MCM10: variants seen among roughly 807,000 people sequenced by gnomAD.
The protein encoded by MCM10 is protein MCM10 homolog.
MCM10 carries 91 observed loss-of-function variants against 109.9 expected under a neutral mutation model. The observed-to-expected ratio is 0.83, with a 90% confidence interval of 0.70 to 0.99. MCM10 has a LOEUF of 0.99. Among genes scored for constraint, MCM10 ranks in the 50% least tolerant of loss-of-function variants. The pLI is 0.00. For missense variants in MCM10, 1,077 were observed against 1,061.2 expected, an observed-to-expected ratio of 1.01 and a Z score of -0.21; for synonymous variants, 380 against 387.2, an observed-to-expected ratio of 0.98 and a Z score of 0.22.
intron 14 of MCM10, chr10:13,195,594 ATTTATTTATTTATTTATT>A (rs1834408266): frequency 1.7e-5 from 1 of 59,546 alleles, no homozygotes; most frequent in Admixed American, 2.1e-4. Flanking sequence ...TTATTTATTT[ATTTATTTATTTATTTATT>A]TATTTATTTA....
intron 5 of MCM10, among the ~76,000 whole-genome samples, chr10:13,173,375 T>C (rs1048506015): frequency 2.0e-5 from 3 of 152,196 alleles, no homozygotes; most frequent in Non-Finnish European, 4.4e-5. Context: ...TGGTCAAGTT[T>C]TATTTGAAGC....
At chr10:13,196,121 C>T (rs1376480584) in intron 14 of MCM10, among the ~76,000 whole-genome samples, 1 of 152,062 alleles carries the variant, frequency 6.6e-6, no homozygotes, top group Non-Finnish European at 1.5e-5. Flanking sequence ...GCTGCCCAAG[C>T]TGGTCTTGCA....
chr10:13,193,546 G>C (rs1834376847), intron 13 of MCM10, among the ~76,000 whole-genome samples: 2 of 152,150 alleles, frequency 1.3e-5, no homozygotes, highest in African/African-American at 4.8e-5. Context: ...GTGCTCTGGT[G>C]CTGAACCTTT....
At chr10:13,168,981 G>A (rs1032386567) in intron 2 of MCM10, among the ~76,000 whole-genome samples, 5 of 152,232 alleles carry the variant, frequency 3.3e-5, no homozygotes, top group Admixed American at 2.6e-4. Context: ...TAATTTGCAC[G>A]GATGAATACC....
At chr10:13,195,368 A>G (rs1260700596) in intron 14 of MCM10, 99 bp downstream of exon 14, 4 of 876,668 alleles carry the variant, frequency 4.6e-6, no homozygotes, top group Non-Finnish European at 6.9e-6. Flanking sequence ...GATCGTGATC[A>G]TTAGAGTCAG....
At chr10:13,203,627 A>G (rs1834529185) in intron 17 of MCM10, among the ~76,000 whole-genome samples, 1 of 152,166 alleles carries the variant, frequency 6.6e-6, no homozygotes, top group South Asian at 2.1e-4. Flanking sequence ...AATTCCCGGA[A>G]GTTACATCGC....
At chr10:13,177,508 CTTT>C (rs60316855) in intron 6 of MCM10, among the ~76,000 whole-genome samples, 12 of 105,266 alleles carry the variant, frequency 1.1e-4, no homozygotes, top group Non-Finnish European at 1.6e-4. Context: ...GATTTTGGAG[CTTT>C]TTTTTTTTTT....
At chr10:13,180,784 T>C (rs1382652957) in intron 7 of MCM10, among the ~76,000 whole-genome samples, 177 bp downstream of exon 7, 1 of 152,206 alleles carries the variant, frequency 6.6e-6, no homozygotes, top group Non-Finnish European at 1.5e-5. Flanking sequence ...AAGGATGCCC[T>C]ATTTAAATAA....
intron 2 of MCM10, among the ~76,000 whole-genome samples, chr10:13,166,768 A>T (rs949613377): frequency 3.3e-5 from 5 of 150,698 alleles, no homozygotes; most frequent in Admixed American, 1.3e-4. Context: ...GAGCCTGGGA[A>T]AGCGAATGAA....
At chr10:13,163,295 C>T (rs988224968) in intron 1 of MCM10, among the ~76,000 whole-genome samples, 3 of 152,092 alleles carry the variant, frequency 2.0e-5, no homozygotes, top group Non-Finnish European at 2.9e-5. Context: ...GCCAATAGCA[C>T]CACTGCACTC....
At chr10:13,197,428 A>C (rs1309620448) in intron 14 of MCM10, among the ~76,000 whole-genome samples, 195 bp from the exon 15 acceptor site, 2 of 152,180 alleles carry the variant, frequency 1.3e-5, no homozygotes, top group East Asian at 3.8e-4. Context: ...ATTCATCAAC[A>C]TATAGACCTG....
In MCM10 at chr10:13,175,653, G is replaced by C. The variant is rs201435336; in HGVS notation, c.736G>C (p.Val246Leu). ...SSGETTQPIC[V>L]EAFSGLRLRR... ...TGGGGAAACGACTCAACCCATCTGT[G>C]TGGAAGCCTTCTCTGGTCTGCGGCT... is the stretch of plus-strand genomic sequence containing the variant. Residue 246 changes from valine to leucine, a missense_variant, in exon 6 of 20, where the codon GTG becomes CTG. Coordinates refer to ENST00000378714, the MANE Select transcript of MCM10 (RefSeq NM_018518.5). The C allele has an allele frequency of 3.7e-6, 6 of 1,611,046 alleles. No homozygotes were observed. The highest frequency in any genetic ancestry group is 8.5e-7 in the Non-Finnish European group (1 of 1,178,226).
chr10:13,179,042 T>A (rs1834176690), intron 6 of MCM10, among the ~76,000 whole-genome samples: 1 of 152,232 alleles, frequency 6.6e-6, no homozygotes, highest in Non-Finnish European at 1.5e-5. Flanking sequence ...GATTTTTGAA[T>A]ATTGATTTTG....
In MCM10 at chr10:13,171,097, T is replaced by C. The variant is rs1186536084; in HGVS notation, c.183T>C (p.Asp61=). ...DGESYTEEAD[D]GETGETRDEK... Reference sequence around the variant, plus strand: ...AATCTTATACAGAAGAGGCTGATGATGGAGAAACAGGAGAGACAAGAGACG... The same window carrying C: ...AATCTTATACAGAAGAGGCTGATGACGGAGAAACAGGAGAGACAAGAGACG... The change falls in exon 3 of 20, where the codon GAT becomes GAC. Residue 61 remains aspartate (D), a synonymous_variant. Transcript: ENST00000378714. The C allele has an allele frequency of 6.2e-7, 1 of 1,614,072 alleles. No individual in the cohort carries two copies. Among genetic ancestry groups the C allele is most frequent in the Non-Finnish European group, 8.5e-7 (1 of 1,180,048 alleles).
At chr10:13,183,318 A>G (rs1351693987) in intron 8 of MCM10, among the ~76,000 whole-genome samples, 2 of 152,132 alleles carry the variant, frequency 1.3e-5, no homozygotes, top group African/African-American at 4.8e-5. Flanking sequence ...ACTGGCTGTG[A>G]GTGGGGGCAC....
intron 16 of MCM10, 34 bp from the exon 17 acceptor site, chr10:13,201,387 G>A (rs767830356): frequency 7.4e-7 from 1 of 1,353,538 alleles, no homozygotes; most frequent in South Asian, 1.2e-5. Context: ...ACTGGATTTA[G>A]TACCAGGTCT....
chr10:13,191,450 C>G lies in MCM10; in HGVS notation c.1516+51C>G, dbSNP rs781667166. On this transcript the variant is annotated intron_variant, in intron 11 of 19. Transcript: ENST00000378714. ...TTCTTTCTCCAGTTTAATTATGCAG[C>G]CTTAGGGATAAAAGACTACACATTG... The G allele has an allele frequency of 2.5e-5, 36 of 1,461,070 alleles. 1 individual carries two copies. In the Middle Eastern group the frequency reaches 1.9e-3, roughly 77 times the overall value. The allele number at this position is 1,461,070 out of a possible 1,614,324, so 90.5% of individuals were successfully genotyped here.
chr10:13,186,156 T>C lies in MCM10; in HGVS notation c.1099-8T>C, dbSNP rs761424338. The C allele has an allele frequency of 6.5e-7, 1 of 1,545,480 alleles. No homozygotes were observed. The highest frequency in any genetic ancestry group is 2.2e-5 in the East Asian group (1 of 44,492). ...CGCCTTTAACTCCTGCCCCACCTTT[T>C]CTTACAGGTGTGTTTATCTATCGAT... On this transcript the variant is annotated splice_region_variant and splice_polypyrimidine_tract_variant and intron_variant, in intron 8 of 19. Transcript: ENST00000378714.
At chr10:13,166,661 C>CATAT (rs60500036) in intron 2 of MCM10, among the ~76,000 whole-genome samples, 2,032 of 89,550 alleles carry the variant, frequency 0.023, 22 homozygotes, top group East Asian at 0.031. Flanking sequence ...TACATACATA[C>CATAT]ATATATATAT....
Sources: gnomAD v4.1 joint callset for allele counts (sites outside exome capture counted in the v4.1 genomes callset) on GRCh38, gnomAD v4.1.1 for gene constraint, MANE v1.5 for transcripts, NCBI Gene and HGNC (gene_info 2026-07-23, HGNC 2026-07-21) for gene names.